Variants in FCRLA observed in about 807,000 individuals in gnomAD.
FCRLA encodes the protein Fc receptor like A, also known as Fc receptor-like A.
A neutral mutation model predicts 28.4 loss-of-function variants in FCRLA; 26 were observed. The observed-to-expected ratio is 0.91, with a 90% confidence interval of 0.67 to 1.27. The LOEUF (loss-of-function observed/expected upper bound fraction) is 1.27, where lower values mean the gene tolerates loss of function less well. Ranked by LOEUF, FCRLA falls within the 50% of genes most tolerant of loss-of-function variation. The pLI is 0.00. For missense variants in FCRLA, 422 were observed against 433.1 expected, an observed-to-expected ratio of 0.97 and a Z score of 0.23; for synonymous variants, 174 against 168.5, an observed-to-expected ratio of 1.03 and a Z score of -0.25.
chr1:161,712,336 GA>G, intron 4 of FCRLA, 118 bp downstream of exon 4: 1 of 1,195,840 alleles, frequency 8.4e-7, no homozygotes, highest in Non-Finnish European at 1.2e-6. Flanking sequence ...AAGGGACACA[GA>G]GGGGGCAGGA....
In FCRLA at chr1:161,713,112, C is replaced by G. The variant is rs1683187980; in HGVS notation, c.812C>G (p.Thr271Arg). Reference sequence around the variant, plus strand: ...GCTTCCAGCTCTGCTGCACCTCCCACATTGAATCCAGCTCCTCAGAAATCA... The same window carrying G: ...GCTTCCAGCTCTGCTGCACCTCCCAGATTGAATCCAGCTCCTCAGAAATCA... The part of the protein sequence containing the change: ...QGASSSAAPP[T>R]LNPAPQKSAA... Residue 271 changes from threonine (T) to arginine (R), a missense_variant, in exon 5 of 5, where the codon ACA becomes AGA. Thr to Arg is a moderately conservative substitution (Grantham distance 71). Around this residue, in one of 3 missense-constraint regions of FCRLA, gnomAD observed 185 missense variants for 198.1 expected, o/e 0.93. Coordinates refer to ENST00000236938, the MANE Select transcript of FCRLA (RefSeq NM_032738.4). 3 of 1,613,854 alleles carry G rather than the reference C, an allele frequency of 1.9e-6. No homozygotes were observed. The highest frequency in any genetic ancestry group is 2.5e-6 in the Non-Finnish European group (3 of 1,179,934).
intron 4 of FCRLA, 120 bp downstream of exon 4, chr1:161,712,338 G>A: frequency 8.3e-7 from 1 of 1,199,566 alleles, no homozygotes. Context: ...GGGACACAGA[G>A]GGGGCAGGAA....
intron 3 of FCRLA, 64 bp from the exon 4 acceptor site, chr1:161,711,870 C>T (rs1279909713): frequency 1.2e-5 from 19 of 1,520,224 alleles, no homozygotes; most frequent in South Asian, 1.2e-4. Flanking sequence ...AGTCTCTTCA[C>T]CTGCATGTGT....
chr1:161,711,795 A>T, intron 3 of FCRLA, 139 bp from the exon 4 acceptor site: 1 of 1,087,574 alleles, frequency 9.2e-7, no homozygotes, highest in Non-Finnish European at 1.3e-6. Context: ...AACTTGACAG[A>T]TTCAAATGGA....
chr1:161,711,666 T>C, intron 3 of FCRLA, 192 bp downstream of exon 3: 1 of 763,922 alleles, frequency 1.3e-6, no homozygotes, highest in Non-Finnish European at 2.1e-6. Context: ...CCACTCAGAG[T>C]CCAGCATAGT....
At position 161,711,391 on chromosome 1, in the gene FCRLA, G is replaced by A; in HGVS notation, c.416G>A (p.Gly139Glu). The A allele has an allele frequency of 1.2e-6, 2 of 1,614,220 alleles. No homozygotes were observed. The highest frequency in any genetic ancestry group is 1.7e-6 in the Non-Finnish European group (2 of 1,180,038). Reference protein sequence around the residue: ...SITVVQKADSGHYHCSGIFQS... With the variant: ...SITVVQKADSEHYHCSGIFQS... ...ACCGTGGTACAAAAGGCAGACAGCG[G>A]GCACTACCACTGCAGTGGCATCTTC... is the stretch of plus-strand genomic sequence containing the variant. Residue 139 changes from glycine to glutamate, a missense_variant, in exon 3 of 5, where the codon GGG becomes GAG. Coordinates refer to ENST00000236938, the MANE Select transcript of FCRLA (RefSeq NM_032738.4).
chr1:161,713,424 A>C lies in FCRLA; in HGVS notation c.*44A>C. On this transcript the variant is annotated 3_prime_UTR_variant, in exon 5 of 5. Transcript: ENST00000236938. ...TGATCTCACTTAACCACCCCAATAA[A>C]TCTGATTCTTTATTTTCTCTTCCTG... 2.7e-6 allele frequency: 4 copies of C among 1,472,436 alleles called. No individual in the cohort carries two copies. Among genetic ancestry groups the C allele is most frequent in the Non-Finnish European group, 3.7e-6 (4 of 1,077,668 alleles). 91.2% of individuals were successfully genotyped at this position (1,472,436 alleles called of 1,614,324 possible).
Position 161,710,901 on chromosome 1 carries a change from T to C in FCRLA, c.221T>C (p.Ile74Thr). ...AYTFSEPFHL[I>T]VSYDWLILQG... ...ACTTTCAGTGAACCCTTCCACCTGA[T>C]TGTGTCCTATGGTGAGGTCCTGGGA... Residue 74 changes from isoleucine (I) to threonine (T), a missense_variant, in exon 2 of 5, where the codon ATT (isoleucine) becomes ACT (threonine). This residue lies in a region of FCRLA where 231 missense variants were observed against 214.6 expected (regional missense o/e 1.08). Transcript: ENST00000236938. 6.2e-7 allele frequency: 1 copy of C among 1,613,000 alleles called. No homozygotes were observed. The highest frequency in any genetic ancestry group is 8.5e-7 in the Non-Finnish European group (1 of 1,179,978).
intron 4 of FCRLA, 51 bp from the exon 5 acceptor site, chr1:161,713,034 G>A: frequency 1.9e-6 from 3 of 1,551,214 alleles, no homozygotes; most frequent in African/African-American, 1.4e-5. Context: ...TGGGAGGGAA[G>A]GGCCAGAGTC....
At chr1:161,708,017 C>T (rs1954174) in intron 1 of FCRLA, among the ~76,000 whole-genome samples, 8,820 of 152,184 alleles carry the variant, frequency 0.058, 700 homozygotes, top group East Asian at 0.39. Flanking sequence ...CACTATAACT[C>T]TGTATTTAAG....
chr1:161,713,447 C>T lies in FCRLA; in HGVS notation c.*67C>T. ...AAATCTGATTCTTTATTTTCTCTTC[C>T]TGTCCTGCACATATGCATAAGTACT... On this transcript the variant is annotated 3_prime_UTR_variant, in exon 5 of 5. Coordinates refer to ENST00000236938, the MANE Select transcript of FCRLA (RefSeq NM_032738.4). 7.5e-7 allele frequency: 1 copy of T among 1,326,986 alleles called. No individual in the cohort carries two copies. The highest frequency in any genetic ancestry group is 1.0e-6 in the Non-Finnish European group (1 of 956,000). 82.2% of individuals were successfully genotyped at this position (1,326,986 alleles called of 1,614,324 possible).
intron 1 of FCRLA, among the ~76,000 whole-genome samples, chr1:161,708,450 G>A (rs568227273): frequency 3.3e-5 from 5 of 152,164 alleles, no homozygotes; most frequent in Non-Finnish European, 7.3e-5. Context: ...TCCAAACCTT[G>A]TGTTCTTGAA....
chr1:161,707,969 A>C (rs1682905542), intron 1 of FCRLA, among the ~76,000 whole-genome samples: 1 of 151,988 alleles, frequency 6.6e-6, no homozygotes, highest in Admixed American at 6.6e-5. Flanking sequence ...TCTTTACACA[A>C]TCTCCTTCAT....
chr1:161,711,287 C>T lies in FCRLA; in HGVS notation c.312C>T (p.Asp104=), dbSNP rs1236827581. ...LLVLRCQAWQ[D]WPLTQVTFYR... is the part of the protein sequence containing the mutation. ...TTCTGCGCTGCCAGGCCTGGCAAGA[C>T]TGGCCACTGACTCAGGTGACCTTCT... Residue 104 remains aspartate, a synonymous_variant, in exon 3 of 5, where the codon GAC becomes GAT. Coordinates refer to ENST00000236938, the MANE Select transcript of FCRLA (RefSeq NM_032738.4). 3 of 1,614,248 alleles carry T rather than the reference C, an allele frequency of 1.9e-6. No individual in the cohort carries two copies. The highest frequency in any genetic ancestry group is 1.7e-6 in the Non-Finnish European group (2 of 1,180,044).
intron 1 of FCRLA, 26 bp downstream of exon 1, chr1:161,707,369 G>T (rs1322703397): frequency 6.4e-7 from 1 of 1,561,168 alleles, no homozygotes; most frequent in Admixed American, 2.0e-5. Flanking sequence ...GAATATTGGT[G>T]TGGGAATGGA....
rs750548512 is a variant in FCRLA at position 161,711,389 on chromosome 1, C to A, written c.414C>A (p.Ser138Arg). 1 of 1,614,208 alleles carries A rather than the reference C, an allele frequency of 6.2e-7. No individual in the cohort carries two copies. The highest frequency in any genetic ancestry group is 8.5e-7 in the Non-Finnish European group (1 of 1,180,042). Residue 138 changes from serine (S) to arginine (R), a missense_variant, in exon 3 of 5, where the codon AGC becomes AGA. Ser to Arg is a moderately radical substitution (Grantham distance 110). Around this residue, in one of 3 missense-constraint regions of FCRLA, gnomAD observed 231 missense variants for 214.6 expected, o/e 1.08. Transcript: ENST00000236938. ...TCACCGTGGTACAAAAGGCAGACAGCGGGCACTACCACTGCAGTGGCATCT... is the reference window on the plus strand; with the variant it reads ...TCACCGTGGTACAAAAGGCAGACAGAGGGCACTACCACTGCAGTGGCATCT... ...FSITVVQKAD[S>R]GHYHCSGIFQ...
Position 161,710,700 on chromosome 1 carries a change from T to C in FCRLA, c.80-60T>C, listed in dbSNP as rs778637961. ...TATCCTGGGAGATGGAGGAACCCTG[T>C]CCTCTTTCTCCAAGTTGCATCATCA... On this transcript the variant is annotated intron_variant, in intron 1 of 4. Transcript: ENST00000236938. 14 of 1,603,262 alleles carry C rather than the reference T, an allele frequency of 8.7e-6. No homozygotes were observed. The South Asian group carries it at 1.2e-4, about 14-fold the overall frequency.
intron 1 of FCRLA, 92 bp downstream of exon 1, chr1:161,707,435 G>T: frequency 7.2e-7 from 1 of 1,394,994 alleles, no homozygotes; most frequent in Non-Finnish European, 9.6e-7. Flanking sequence ...ACTAATTCTG[G>T]CCCTCCAAAG....
chr1:161,711,341 C>T lies in FCRLA; in HGVS notation c.366C>T (p.Pro122=), dbSNP rs376754195. 1.3e-4 allele frequency: 203 copies of T among 1,614,222 alleles called. 1 individual carries two copies. The highest frequency in any genetic ancestry group is 3.2e-4 in the South Asian group (29 of 91,082). Residue 122 remains proline (P), a synonymous_variant, in exon 3 of 5, where the codon CCC becomes CCT. Coordinates refer to ENST00000236938, the MANE Select transcript of FCRLA (RefSeq NM_032738.4). The part of the protein sequence containing the change: ...FYRDGSALGP[P]GPNREFSITV... Reference sequence around the variant, plus strand: ...GAGATGGCTCAGCTCTGGGTCCCCCCGGGCCTAACAGGGAATTCTCCATCA... The same window carrying T: ...GAGATGGCTCAGCTCTGGGTCCCCCTGGGCCTAACAGGGAATTCTCCATCA...
Sources: allele counts gnomAD v4.1 joint callset (sites outside exome capture counted in the v4.1 genomes callset), GRCh38; gene constraint gnomAD v4.1.1; regional missense constraint gnomAD v4.1.1; transcripts MANE v1.5; gene names NCBI Gene and HGNC (gene_info 2026-07-23, HGNC 2026-07-21).